The following RNF121 variants were observed in gnomAD, a reference collection of about 807,000 sequenced individuals.
The protein encoded by RNF121 is ring finger protein 121.
In RNF121, 21 loss-of-function variants were observed where a neutral mutation model predicts 46.5. The ratio of observed to expected loss-of-function variants is 0.45; its 90% CI spans 0.32 to 0.65. The LOEUF is 0.65. RNF121 is among the 30% of genes least tolerant of loss of function. The pLI is 0.04. For synonymous variants in RNF121, 139 were observed against 144.7 expected (o/e 0.96, Z 0.28); for missense variants, 346 against 416.0 (o/e 0.83, Z 1.46).
Position 71,994,805 on chromosome 11 carries a change from T to G in RNF121, c.714T>G (p.Ser238Arg), listed in dbSNP as rs778463198. The G allele has an allele frequency of 1.9e-6, 3 of 1,614,048 alleles. No homozygotes were observed. In the African/African-American group the frequency reaches 4.0e-5, roughly 22 times the overall value. The change falls in exon 7 of 9, where the codon AGT becomes AGG. Residue 238 changes from serine (S) to arginine (R), a missense_variant. By Grantham distance (110) the Ser-to-Arg change is moderately radical (BLOSUM62 -1). Transcript: ENST00000361756. ...GGCAGCAGATCTTTGTGGACGTCAG[T>G]GAAGAGGGGATCATTGAGAACACGT... is the stretch of plus-strand genomic sequence containing the variant. Reference protein sequence around the residue: ...VCGQQIFVDVSEEGIIENTYR... With the variant: ...VCGQQIFVDVREEGIIENTYR...
Position 71,991,772 on chromosome 11 carries a change from A to C in RNF121, c.627+1055A>C, listed in dbSNP as rs541848965. On this transcript the variant is annotated intron_variant, in intron 6 of 8. Coordinates refer to ENST00000361756, the MANE Select transcript of RNF121 (RefSeq NM_018320.5). ...CCAAGAAGTGCCTGGAGAAGTAGTG[A>C]CTAGACTAGAAAAAAGCCTGTGGGC... 2.6e-5 allele frequency among the ~76,000 whole-genome samples: 4 copies of C among 152,232 alleles called. No individual in the cohort carries two copies. The South Asian group carries it at 8.3e-4, about 32-fold the overall frequency.
chr11:71,954,488 C>T (rs1483994784), intron 1 of RNF121, among the ~76,000 whole-genome samples: 1 of 152,200 alleles, frequency 6.6e-6, no homozygotes, highest in Non-Finnish European at 1.5e-5. Flanking sequence ...TCAATTATCT[C>T]TGGCCTCTTC....
At chr11:71,965,093 A>G (rs1359341515) in intron 3 of RNF121, among the ~76,000 whole-genome samples, 1 of 152,164 alleles carries the variant, frequency 6.6e-6, no homozygotes, top group African/African-American at 2.4e-5. Flanking sequence ...CTGTTAATCA[A>G]TTTGTTATAG....
rs1259566150 is a variant in RNF121 at position 71,960,790 on chromosome 11, G to A, written c.142G>A (p.Glu48Lys). 6.2e-7 allele frequency: 1 copy of A among 1,614,034 alleles called. No individual in the cohort carries two copies. The highest frequency in any genetic ancestry group is 1.3e-5 in the African/African-American group (1 of 74,938). The change falls in exon 3 of 9, where the codon GAA becomes AAA. Residue 48 changes from glutamate (E) to lysine (K), a missense_variant. This residue lies in a region of RNF121 where 286 missense variants were observed against 383.8 expected (regional missense o/e 0.75). Coordinates refer to ENST00000361756, the MANE Select transcript of RNF121 (RefSeq NM_018320.5). ...CATGCATGCCAAGCACCGTGGCCAT[G>A]AAGCTATGCATGCTGAAATGGTCCT... ...ARMHAKHRGH[E>K]AMHAEMVLIL...
rs376316883 is a variant in RNF121, at chr11:71,968,783, C to T, written c.243+7892C>T. Among the ~76,000 whole-genome samples, 226 of 152,096 alleles carry T rather than the reference C, an allele frequency of 1.5e-3. 2 individuals carry two copies. Among genetic ancestry groups the T allele is most frequent in the African/African-American group, 4.2e-3 (175 of 41,496 alleles). On this transcript the variant is annotated intron_variant, in intron 3 of 8. Transcript: ENST00000361756. ...AACAACTTTGAAAAACAGTTTCAAA[C>T]TGTTTTTAAATTAAACTCCCTATGA...
intron 1 of RNF121, among the ~76,000 whole-genome samples, chr11:71,937,549 C>G (rs1953448594): frequency 6.6e-6 from 1 of 152,164 alleles, no homozygotes; most frequent in African/African-American, 2.4e-5. Context: ...AAAATGGACA[C>G]CAGTGTGTAT....
chr11:71,973,985 A>C (rs555649438), intron 3 of RNF121, among the ~76,000 whole-genome samples: 1 of 152,310 alleles, frequency 6.6e-6, no homozygotes, highest in East Asian at 1.9e-4. Flanking sequence ...TCTTTCACCC[A>C]GGCCAGACTG....
intron 6 of RNF121, among the ~76,000 whole-genome samples, chr11:71,994,062 G>A (rs572238411): frequency 4.6e-5 from 7 of 152,046 alleles, no homozygotes; most frequent in African/African-American, 9.6e-5. Context: ...GGATGCTCTC[G>A]ATCTCCTGAC....
chr11:71,929,223 T>G, intron 1 of RNF121, 99 bp downstream of exon 1: 2 of 1,464,986 alleles, frequency 1.4e-6, no homozygotes, highest in East Asian at 2.6e-5. Context: ...AAGGGAAAGA[T>G]CCTGAGAGGG....
chr11:71,969,188 C>T (rs1366907367), intron 3 of RNF121, among the ~76,000 whole-genome samples: 1 of 151,884 alleles, frequency 6.6e-6, no homozygotes, highest in African/African-American at 2.4e-5. Context: ...TGCCTGGCCC[C>T]TCTTAGGATT....
At position 71,938,423 on chromosome 11, in the gene RNF121, G is replaced by A. The variant is rs561213629; in HGVS notation, c.63+9299G>A. Among the ~76,000 whole-genome samples, 5 of 141,898 alleles carry A rather than the reference G, an allele frequency of 3.5e-5. No homozygotes were observed. The South Asian group carries it at 9.2e-4, about 26-fold the overall frequency. The allele number at this position is 141,898 out of a possible 152,430, so 93.1% of individuals were successfully genotyped here. ...TAACCTCCGCCTCCTGGGTTCAAGC[G>A]ATTCTTCTGCCTCAGCCTCCTGAGT... On this transcript the variant is annotated intron_variant, in intron 1 of 8. Coordinates refer to ENST00000361756, the MANE Select transcript of RNF121 (RefSeq NM_018320.5).
At chr11:71,975,502 G>T (rs1323165836) in intron 3 of RNF121, among the ~76,000 whole-genome samples, 1 of 152,196 alleles carries the variant, frequency 6.6e-6, no homozygotes, top group African/African-American at 2.4e-5. Flanking sequence ...TCCTTGGAGG[G>T]GGGTGGGTTC....
intron 3 of RNF121, among the ~76,000 whole-genome samples, chr11:71,980,072 G>A (rs1954615233): frequency 6.6e-6 from 1 of 152,152 alleles, no homozygotes; most frequent in Non-Finnish European, 1.5e-5. Context: ...CCTAGAAAAT[G>A]ACACCTGGGG....
intron 2 of RNF121, among the ~76,000 whole-genome samples, chr11:71,959,170 G>A (rs932112604): frequency 6.6e-6 from 1 of 152,170 alleles, no homozygotes; most frequent in African/African-American, 2.4e-5. Flanking sequence ...CTTTCTGTCA[G>A]ATTCTCCCAC....
intron 1 of RNF121, among the ~76,000 whole-genome samples, chr11:71,930,707 T>C (rs1295106678): frequency 6.6e-6 from 1 of 152,222 alleles, no homozygotes; most frequent in Non-Finnish European, 1.5e-5. Context: ...GTATTGAAGT[T>C]CTTATTTAAG....
chr11:71,932,885 G>T (rs571459669), intron 1 of RNF121, among the ~76,000 whole-genome samples: 1 of 152,318 alleles, frequency 6.6e-6, no homozygotes, highest in South Asian at 2.1e-4. Flanking sequence ...ATAACTGGTG[G>T]ATTCTGCTGA....
intron 1 of RNF121, among the ~76,000 whole-genome samples, chr11:71,956,994 C>G (rs955678186): frequency 6.6e-6 from 1 of 152,190 alleles, no homozygotes; most frequent in African/African-American, 2.4e-5. Context: ...CTCCTCTGCC[C>G]TTATTGCCTA....
chr11:71,929,222 A>G (rs1194977257), intron 1 of RNF121, 98 bp downstream of exon 1: 2 of 1,471,482 alleles, frequency 1.4e-6, no homozygotes, highest in African/African-American at 2.8e-5. Context: ...GAAGGGAAAG[A>G]TCCTGAGAGG....
At chr11:71,972,124 A>G (rs1486713885) in intron 3 of RNF121, among the ~76,000 whole-genome samples, 5 of 152,172 alleles carry the variant, frequency 3.3e-5, no homozygotes, top group Admixed American at 3.3e-4. Flanking sequence ...AAACTAAGAA[A>G]CAGAAAGATG....
Sources: gnomAD v4.1 joint callset for allele counts (sites outside exome capture counted in the v4.1 genomes callset) on GRCh38, gnomAD v4.1.1 for gene constraint, gnomAD v4.1.1 regional missense constraint, MANE v1.5 for transcripts, NCBI Gene and HGNC (gene_info 2026-07-23, HGNC 2026-07-21) for gene names.